The following EXPH5 variants were observed in gnomAD, a reference collection of about 807,000 sequenced individuals.
EXPH5 encodes the protein exophilin 5.
EXPH5 carries 42 observed loss-of-function variants against 41.1 expected under a neutral mutation model. The observed-to-expected ratio is 1.02, with a 90% CI of 0.80 to 1.32. EXPH5 has a LOEUF of 1.32. Ranked by LOEUF, EXPH5 falls within the 40% of genes most tolerant of loss-of-function variation. The pLI, the probability that EXPH5 is intolerant of heterozygous loss-of-function variation, is 0.00. For missense variants in EXPH5, 2,298 were observed against 2,314.5 expected, an observed-to-expected ratio of 0.99 and a Z score of 0.15; for synonymous variants, 798 against 833.5, an observed-to-expected ratio of 0.96 and a Z score of 0.73.
intron 1 of EXPH5, among the ~76,000 whole-genome samples, chr11:108,592,204 C>T (rs539786761): frequency 5.5e-4 from 83 of 152,244 alleles, no homozygotes; most frequent in African/African-American, 2.0e-3. Context: ...TTTCTCAAGG[C>T]AGATGGTATG....
At chr11:108,594,338 G>A (rs947263303), upstream of EXPH5, among the ~76,000 whole-genome samples, 1 of 152,156 alleles carries the variant, frequency 6.6e-6, no homozygotes, top group African/African-American at 2.4e-5. Context: ...ACCGTTTATG[G>A]TATTTTAGGA....
chr11:108,567,200 G>C (rs556731695), intron 1 of EXPH5, among the ~76,000 whole-genome samples: 2 of 152,174 alleles, frequency 1.3e-5, no homozygotes, highest in African/African-American at 4.8e-5. Flanking sequence ...ACAAGCCAGA[G>C]TTTACCCACA....
intron 5 of EXPH5, 43 bp from the exon 6 acceptor site, chr11:108,514,918 C>T (rs1284514534): frequency 3.1e-6 from 4 of 1,308,220 alleles, no homozygotes; most frequent in Non-Finnish European, 3.0e-6. Flanking sequence ...TATGTTTTTA[C>T]AGTTTAATAA....
chr11:108,518,395 CA>C (rs2093741662), intron 4 of EXPH5, 22 bp from the exon 5 acceptor site: 2 of 1,610,618 alleles, frequency 1.2e-6, no homozygotes, highest in East Asian at 4.5e-5. Context: ...GCAGAGAACA[CA>C]ATATTATTTC....
intron 3 of EXPH5, among the ~76,000 whole-genome samples, chr11:108,530,359 C>T (rs1490263464): frequency 6.6e-6 from 1 of 152,010 alleles, no homozygotes; most frequent in Non-Finnish European, 1.5e-5. Context: ...ATGTAAAGAG[C>T]CAAAACCTAA....
intron 1 of EXPH5, among the ~76,000 whole-genome samples, chr11:108,569,424 C>T (rs2094050135): frequency 6.7e-6 from 1 of 150,138 alleles, no homozygotes; most frequent in African/African-American, 2.5e-5. Flanking sequence ...ACTGCAACCT[C>T]CGCCTCCTAG....
At position 108,540,688 on chromosome 11, in the gene EXPH5, T is replaced by G. The variant is rs555916187; in HGVS notation, c.280+964A>C. ...CTCAATAGTCCTGTGAAAGCAAGTT[T>G]TAGTATCCTTTTAATCTATATAGAA... On this transcript the variant is annotated intron_variant, in intron 2 of 5. Transcript: ENST00000265843. 1.2e-4 allele frequency among the ~76,000 whole-genome samples: 19 copies of G among 152,242 alleles called. 1 individual carries two copies. In the East Asian group the frequency reaches 3.7e-3, roughly 29 times the overall value.
chr11:108,570,329 A>C (rs189397301), intron 1 of EXPH5, among the ~76,000 whole-genome samples: 1 of 152,222 alleles, frequency 6.6e-6, no homozygotes. Context: ...ATCTTGGCTC[A>C]CTGCAACCTC....
Position 108,515,121 on chromosome 11 carries a change from G to A in EXPH5, c.632-246C>T, listed in dbSNP as rs144831931. Among the ~76,000 whole-genome samples, 132 of 151,720 alleles carry A rather than the reference G, an allele frequency of 8.7e-4. 1 individual carries two copies. The highest frequency in any genetic ancestry group is 2.7e-3 in the African/African-American group (112 of 41,338). ...TCAAAGTAAACCTTCCATTAACGCCGTAAGGAAATTGAACTATATTCTTCT... is the reference window on the plus strand; with the variant it reads ...TCAAAGTAAACCTTCCATTAACGCCATAAGGAAATTGAACTATATTCTTCT... On this transcript the variant is annotated intron_variant, in intron 5 of 5. Transcript: ENST00000265843.
Position 108,512,185 on chromosome 11 carries a change from T to C in EXPH5, c.3322A>G (p.Thr1108Ala), listed in dbSNP as rs775152370. Residue 1108 changes from threonine to alanine, a missense_variant, in exon 6 of 6, where the codon ACT becomes GCT. Coordinates refer to ENST00000265843, the MANE Select transcript of EXPH5 (RefSeq NM_015065.3). ...RMTNVKSSGS[T>A]SVRKGPLPFL... ...GGAAGTGGTCCTTTTCTAACGGAAG[T>C]AGATCCACTGCTTTTTACATTTGTC... is the stretch of plus-strand genomic sequence containing the variant. 4 of 1,611,146 alleles carry C rather than the reference T, an allele frequency of 2.5e-6. No individual in the cohort carries two copies. Among genetic ancestry groups the C allele is most frequent in the Non-Finnish European group, 3.4e-6 (4 of 1,178,826 alleles).
rs751912788 is a variant in EXPH5, at chr11:108,511,535, G to C, written c.3972C>G (p.Leu1324=). ...GGAAGGCAGTCATATTTTCAGTGGTGAGCGTCTGATCAGAGTTGACGGACA... is the reference window on the plus strand; with the variant it reads ...GGAAGGCAGTCATATTTTCAGTGGTCAGCGTCTGATCAGAGTTGACGGACA... ...LKMSVNSDQT[L]TTENMTAFRL... The change falls in exon 6 of 6, where the codon CTC becomes CTG. Residue 1324 remains leucine, a synonymous_variant. Coordinates refer to ENST00000265843, the MANE Select transcript of EXPH5 (RefSeq NM_015065.3). 6.2e-7 allele frequency: 1 copy of C among 1,609,314 alleles called. No homozygotes were observed. Among genetic ancestry groups the C allele is most frequent in the African/African-American group, 1.3e-5 (1 of 74,768 alleles).
intron 3 of EXPH5, among the ~76,000 whole-genome samples, chr11:108,529,721 G>A (rs538871613): frequency 2.8e-4 from 43 of 152,094 alleles, no homozygotes; most frequent in African/African-American, 9.2e-4. Context: ...GCAGGTGCCT[G>A]TAATCCTAGC....
rs867511576 is a variant in EXPH5, at chr11:108,593,759, A to T, written c.-223T>A. The stretch of plus-strand genomic sequence containing the variant: ...GTTTCTCTCAACCTGTCCAACCGAG[A>T]TGCAAAGTGAACGGCTAAAGGGAGA... On this transcript the variant is annotated 5_prime_UTR_variant, in exon 1 of 6. Coordinates refer to ENST00000265843, the MANE Select transcript of EXPH5 (RefSeq NM_015065.3). 1.7e-5 allele frequency: 26 copies of T among 1,535,892 alleles called. 1 individual carries two copies. In the Middle Eastern group the frequency reaches 4.2e-3, roughly 247 times the overall value.
intron 1 of EXPH5, among the ~76,000 whole-genome samples, chr11:108,557,143 T>C (rs2093993468): frequency 6.6e-6 from 1 of 152,244 alleles, no homozygotes; most frequent in Non-Finnish European, 1.5e-5. Flanking sequence ...CCAAAATAGA[T>C]TATTCCTTCT....
the EXPH5 span, among the ~76,000 whole-genome samples, chr11:108,604,960 T>G: frequency 6.6e-6 from 1 of 151,928 alleles, no homozygotes; most frequent in Non-Finnish European, 1.5e-5. Context: ...CTTGGTTGGG[T>G]GGAGATGAAT....
intron 1 of EXPH5, among the ~76,000 whole-genome samples, chr11:108,583,684 A>T (rs1591760029): frequency 6.6e-6 from 1 of 152,082 alleles, no homozygotes; most frequent in Non-Finnish European, 1.5e-5. Flanking sequence ...AAAAAATAAA[A>T]ATAAAAAAGT....
Position 108,593,707 on chromosome 11 carries a change from C to CT in EXPH5, c.-172dup. ...CTAGGGAACGCCCACACCTGAAGGG[C>CT]TCATATTGACAATACCTTAATGACA... On this transcript the variant is annotated 5_prime_UTR_variant, in exon 1 of 6. It removes the in-frame stop codon of an upstream open reading frame in the 5' UTR. Transcript: ENST00000265843. 6.5e-7 allele frequency: 1 copy of CT among 1,542,098 alleles called. No individual in the cohort carries two copies. The highest frequency in any genetic ancestry group is 2.4e-5 in the East Asian group (1 of 41,164).
At chr11:108,526,451 TC>T (rs1829074926) in intron 4 of EXPH5, among the ~76,000 whole-genome samples, 1 of 152,256 alleles carries the variant, frequency 6.6e-6, no homozygotes, top group African/African-American at 2.4e-5. Flanking sequence ...CATTTGCCTT[TC>T]TTTTTACATT....
chr11:108,545,703 G>C (rs1452046268), intron 1 of EXPH5, among the ~76,000 whole-genome samples: 1 of 151,794 alleles, frequency 6.6e-6, no homozygotes, highest in Non-Finnish European at 1.5e-5. Context: ...AGGAGTGAGA[G>C]ACCAGCCTGG....
Sources: gnomAD v4.1 joint callset for allele counts (sites outside exome capture counted in the v4.1 genomes callset) on GRCh38, gnomAD v4.1.1 for gene constraint, MANE v1.5 for transcripts, NCBI Gene and HGNC (gene_info 2026-07-23, HGNC 2026-07-21) for gene names.